CPXM2: variants seen among roughly 807,000 people sequenced by gnomAD.
CPXM2 encodes inactive carboxypeptidase-like protein X2.
A neutral mutation model predicts 86.1 loss-of-function variants in CPXM2; 66 were observed. The observed-to-expected ratio is 0.77, with a 90% CI of 0.63 to 0.94. CPXM2 has a LOEUF of 0.94. Ranked by LOEUF, CPXM2 falls within the 40% of genes least tolerant of loss-of-function variation. CPXM2 has a pLI of 0.00. For missense variants in CPXM2, 948 were observed against 1,026.3 expected (o/e 0.92, Z 1.04); for synonymous variants, 388 against 400.2 (o/e 0.97, Z 0.36).
intron 4 of CPXM2, among the ~76,000 whole-genome samples, chr10:123,832,228 A>G (rs1325542856): frequency 6.6e-6 from 1 of 152,184 alleles, no homozygotes. Flanking sequence ...CAGGAACTGC[A>G]TCTCCTGCAT....
intron 4 of CPXM2, among the ~76,000 whole-genome samples, chr10:123,839,559 A>G (rs987958755): frequency 2.6e-5 from 4 of 152,314 alleles, no homozygotes; most frequent in Admixed American, 2.6e-4. Flanking sequence ...GGAATCACAG[A>G]CTAGTGGGAA....
intron 4 of CPXM2, among the ~76,000 whole-genome samples, chr10:123,824,191 T>C (rs1847993630): frequency 6.6e-6 from 1 of 152,216 alleles, no homozygotes; most frequent in Non-Finnish European, 1.5e-5. Flanking sequence ...GTGAATAAAA[T>C]TGGAAAGCAT....
At chr10:123,840,387 C>T (rs1828653391) in intron 4 of CPXM2, among the ~76,000 whole-genome samples, 1 of 152,148 alleles carries the variant, frequency 6.6e-6, no homozygotes, top group Admixed American at 6.5e-5. Flanking sequence ...AATGCATAAT[C>T]AACTGTTGTC....
chr10:123,838,295 G>A (rs1243186180), intron 4 of CPXM2, among the ~76,000 whole-genome samples: 2 of 151,910 alleles, frequency 1.3e-5, no homozygotes, highest in Admixed American at 6.6e-5. Flanking sequence ...ACCCTGTGTC[G>A]ACTAAAAATA....
At chr10:123,927,081 GC>G (rs1481432567) in intron 2 of CPXM2, among the ~76,000 whole-genome samples, 1 of 151,900 alleles carries the variant, frequency 6.6e-6, no homozygotes, top group Non-Finnish European at 1.5e-5. Context: ...CCTTCTCACC[GC>G]AGTCTCACCA....
chr10:123,755,165 G>A (rs987924288), intron 12 of CPXM2, among the ~76,000 whole-genome samples: 1 of 152,208 alleles, frequency 6.6e-6, no homozygotes, highest in East Asian at 1.9e-4. Context: ...GCAGAAATAA[G>A]TTGTAGAAGT....
At chr10:123,889,596 G>C (rs1422015744) in intron 1 of CPXM2, among the ~76,000 whole-genome samples, 1 of 152,190 alleles carries the variant, frequency 6.6e-6, no homozygotes, top group East Asian at 1.9e-4. Context: ...AGGAAGACCA[G>C]CACATAAGCG....
upstream of CPXM2, among the ~76,000 whole-genome samples, chr10:123,943,193 G>C (rs529846692): frequency 2.2e-4 from 19 of 88,092 alleles, no homozygotes; most frequent in African/African-American, 8.5e-4. Flanking sequence ...TTCTTTGAAT[G>C]TTCCTTTGAA....
At chr10:123,798,272 A>C in intron 5 of CPXM2, 146 bp from the exon 6 acceptor site, 1 of 697,286 alleles carries the variant, frequency 1.4e-6, no homozygotes, top group Admixed American at 3.7e-5. Context: ...AAAAAAAAGA[A>C]ATGAATCAGG....
Position 123,772,311 on chromosome 10 carries a change from C to A in CPXM2, c.979-1272G>T, listed in dbSNP as rs116124878. ...CTCACCTCCCTGGTTGTAGTCACCA[C>A]CTCCCTGGTCATGGTTATCACTCCC... is the stretch of plus-strand genomic sequence containing the variant. On this transcript the variant is annotated intron_variant, in intron 7 of 13. Coordinates refer to ENST00000241305, the MANE Select transcript of CPXM2 (RefSeq NM_198148.3). Among the ~76,000 whole-genome samples the A allele has an allele frequency of 1.2e-3, 183 of 152,138 alleles. 2 individuals carry two copies. The highest frequency in any genetic ancestry group is 4.2e-3 in the African/African-American group (175 of 41,474).
intron 2 of CPXM2, among the ~76,000 whole-genome samples, chr10:123,904,541 T>C (rs1945415146): frequency 6.6e-6 from 1 of 152,268 alleles, no homozygotes; most frequent in African/African-American, 2.4e-5. Context: ...GGCCAAATTA[T>C]ATTATTCCCA....
At chr10:123,916,197 C>T (rs1945532560) in intron 2 of CPXM2, among the ~76,000 whole-genome samples, 1 of 152,154 alleles carries the variant, frequency 6.6e-6, no homozygotes, top group South Asian at 2.1e-4. Context: ...CATTGGTGAG[C>T]TTGTATTGCA....
intron 12 of CPXM2, 138 bp downstream of exon 12, chr10:123,757,075 T>C (rs1421078556): frequency 2.7e-6 from 2 of 741,206 alleles, no homozygotes; most frequent in African/African-American, 3.5e-5. Flanking sequence ...CAACACACAG[T>C]GGCTCCTCGC....
intron 4 of CPXM2, among the ~76,000 whole-genome samples, chr10:123,834,910 C>T (rs1356877908): frequency 3.9e-5 from 6 of 152,106 alleles, no homozygotes; most frequent in African/African-American, 1.2e-4. Context: ...CTCTCTCTTG[C>T]CTCCCCTCTC....
chr10:123,942,288 G>A (rs762901136), upstream of CPXM2, among the ~76,000 whole-genome samples: 4 of 152,180 alleles, frequency 2.6e-5, no homozygotes, highest in Non-Finnish European at 5.9e-5. Context: ...TGGGTAAACC[G>A]AGGGTAAAAT....
chr10:123,870,933 C>T (rs1183097907), intron 2 of CPXM2, among the ~76,000 whole-genome samples: 2 of 152,172 alleles, frequency 1.3e-5, no homozygotes, highest in Non-Finnish European at 2.9e-5. Flanking sequence ...GCAAACCTGG[C>T]TGGGGTCTTT....
intron 2 of CPXM2, among the ~76,000 whole-genome samples, chr10:123,926,795 C>CG (rs1945624991): frequency 6.6e-6 from 1 of 152,208 alleles, no homozygotes; most frequent in African/African-American, 2.4e-5. Flanking sequence ...GAAGACAAGA[C>CG]AGGGGAATCC....
intron 8 of CPXM2, 99 bp downstream of exon 8, chr10:123,770,817 C>A (rs1846609592): frequency 7.5e-7 from 1 of 1,327,794 alleles, no homozygotes; most frequent in South Asian, 1.4e-5. Context: ...CAGCTGATGC[C>A]CTGTGGCATG....
At chr10:123,849,554 C>T (rs1848560456) in intron 3 of CPXM2, among the ~76,000 whole-genome samples, 1 of 149,636 alleles carries the variant, frequency 6.7e-6, no homozygotes, top group Non-Finnish European at 1.5e-5. Context: ...GCTGGGATTA[C>T]AGGCACCTGC....
Sources: gnomAD v4.1 joint callset for allele counts (sites outside exome capture counted in the v4.1 genomes callset) on GRCh38, gnomAD v4.1.1 for gene constraint, MANE v1.5 for transcripts, NCBI Gene and HGNC (gene_info 2026-07-23, HGNC 2026-07-21) for gene names.